Variants in OPTN observed in about 807,000 individuals in gnomAD.
OPTN encodes E3-14.7K-interacting protein.
OPTN carries 54 observed loss-of-function variants against 70.4 expected under a neutral mutation model. That is an observed-to-expected ratio of 0.77 (90% CI 0.62 to 0.96). The LOEUF (loss-of-function observed/expected upper bound fraction) is 0.96, where lower values mean the gene tolerates loss of function less well. Among genes scored for constraint, OPTN ranks in the 40% least tolerant of loss-of-function variants. The pLI, the probability that OPTN is intolerant of heterozygous loss-of-function variation, is 0.00. For synonymous variants in OPTN, 256 were observed against 248.5 expected (o/e 1.03, Z -0.28); for missense variants, 624 against 673.2 (o/e 0.93, Z 0.81).
At chr10:13,109,006 A>G (rs1192140067) in intron 2 of OPTN, 106 bp from the exon 3 acceptor site, 47 of 1,016,792 alleles carry the variant, frequency 4.6e-5, no homozygotes, top group Non-Finnish European at 6.5e-5. Flanking sequence ...GAAAGTGGGC[A>G]ACTTTTGGAG....
In OPTN at chr10:13,125,580, A is replaced by G. The variant is rs368654623; in HGVS notation, c.1148+13A>G. On this transcript the variant is annotated intron_variant, in intron 10 of 14. Transcript: ENST00000378747. The stretch of plus-strand genomic sequence containing the variant: ...CAGAGGATGAAAAGTGAGTATGTTG[A>G]GTCAGAAGGGCAGCGACGGGGCAGA... 9.6e-5 allele frequency: 155 copies of G among 1,614,148 alleles called. 1 individual carries two copies. In the African/African-American group the frequency reaches 1.9e-3, roughly 20 times the overall value.
At chr10:13,132,228 T>G in intron 13 of OPTN, 31 bp downstream of exon 13, 13 of 1,608,820 alleles carry the variant, frequency 8.1e-6, no homozygotes, top group Non-Finnish European at 1.1e-5. Flanking sequence ...GACCCAGAGC[T>G]CACATCAGCA....
chr10:13,136,860 C>A lies in OPTN; in HGVS notation c.1728C>A (p.Ile576=). ...TACAGATTCACGTGATGGATTGCAT[C>A]ATTTAAGTGTTGATGTATCACCTCC... ...DTLQIHVMDC[I]I is the part of the protein sequence containing the mutation. The change falls in exon 15 of 15, where the codon ATC becomes ATA. Residue 576 remains isoleucine, a synonymous_variant. Coordinates refer to ENST00000378747, the MANE Select transcript of OPTN (RefSeq NM_001008212.2). 1.2e-6 allele frequency: 2 copies of A among 1,614,152 alleles called. No individual in the cohort carries two copies. Among genetic ancestry groups the A allele is most frequent in the East Asian group, 2.2e-5 (1 of 44,892 alleles).
At chr10:13,129,759 T>C (rs1833553911) in intron 12 of OPTN, among the ~76,000 whole-genome samples, 1 of 152,226 alleles carries the variant, frequency 6.6e-6, no homozygotes, top group Non-Finnish European at 1.5e-5. Context: ...CACTCCTATG[T>C]CCTCACATTC....
chr10:13,136,676 GTTC>G (rs1428346312), intron 14 of OPTN, 66 bp from the exon 15 acceptor site: 41 of 1,599,700 alleles, frequency 2.6e-5, no homozygotes, highest in South Asian at 3.3e-5. Flanking sequence ...CTCGCCATCT[GTTC>G]TTCAAGTGAA....
At chr10:13,104,244 GT>G (rs953085944) in intron 1 of OPTN, among the ~76,000 whole-genome samples, 9 of 130,876 alleles carry the variant, frequency 6.9e-5, no homozygotes, top group Middle Eastern at 3.8e-3. Flanking sequence ...AGTTAAATTA[GT>G]TTTTTTTTCT....
rs117158412 is a variant in OPTN, at chr10:13,121,309, C to T, written c.780-1076C>T. 5.9e-5 allele frequency among the ~76,000 whole-genome samples: 9 copies of T among 151,950 alleles called. No individual in the cohort carries two copies. In the East Asian group the frequency reaches 1.5e-3, roughly 26 times the overall value. On this transcript the variant is annotated intron_variant, in intron 7 of 14. Transcript: ENST00000378747. ...GGCTCTTCTGGGTTCTTTGCTGTTG[C>T]GTAAGAATTTTAGGATCAGCTTGTT...
Position 13,110,356 on chromosome 10 carries a change from C to T in OPTN, c.249C>T (p.Arg83=), listed in dbSNP as rs1363845976. 4 of 1,614,044 alleles carry T rather than the reference C, an allele frequency of 2.5e-6. No homozygotes were observed. The South Asian group carries it at 4.4e-5, about 18-fold the overall frequency. ...GGACAGAGAAACAGAAGGAAGAACGCCAGTTTTTTGAGATACAGAGCAAAG... is the reference window on the plus strand; with the variant it reads ...GGACAGAGAAACAGAAGGAAGAACGTCAGTTTTTTGAGATACAGAGCAAAG... ...SAWTEKQKEE[R]QFFEIQSKEA... The change falls in exon 4 of 15, where the codon CGC becomes CGT. Residue 83 remains arginine, a synonymous_variant. Coordinates refer to ENST00000378747, the MANE Select transcript of OPTN (RefSeq NM_001008212.2).
intron 2 of OPTN, chr10:13,108,844 C>T (rs1466718712): frequency 7.1e-6 from 3 of 423,002 alleles, no homozygotes; most frequent in African/African-American, 6.1e-5. Context: ...CCACGCCCGG[C>T]CCTCATTGTA....
intron 2 of OPTN, 146 bp downstream of exon 2, chr10:13,108,435 T>C (rs1263298034): frequency 1.3e-5 from 2 of 152,224 alleles, no homozygotes; most frequent in Non-Finnish European, 2.9e-5. Context: ...TTTGAAGATT[T>C]GCATGGGAAA....
intron 14 of OPTN, among the ~76,000 whole-genome samples, chr10:13,134,271 C>G (rs1833653748): frequency 6.6e-6 from 1 of 152,164 alleles, no homozygotes; most frequent in Non-Finnish European, 1.5e-5. Flanking sequence ...CAGTCTCTTT[C>G]CAGTGACCTC....
intron 5 of OPTN, among the ~76,000 whole-genome samples, chr10:13,113,034 T>C (rs1833043114): frequency 6.6e-6 from 1 of 152,226 alleles, no homozygotes; most frequent in Admixed American, 6.5e-5. Context: ...CCTCTTTTTT[T>C]GTTTTGAGAC....
At chr10:13,125,805 A>T in intron 10 of OPTN, 141 bp from the exon 11 acceptor site, 1 of 767,760 alleles carries the variant, frequency 1.3e-6, no homozygotes, top group Non-Finnish European at 2.2e-6. Flanking sequence ...TTTTGAGAGT[A>T]AGAAATGCTA....
At position 13,122,390 on chromosome 10, in the gene OPTN, C is replaced by A. The variant is rs750571210; in HGVS notation, c.785C>A (p.Ser262Ter). Residue 262 changes from serine (S) to a stop codon, truncating the protein, a stop_gained, in exon 8 of 15, where the codon TCA (serine) becomes TAA (stop). Coordinates refer to ENST00000378747, the MANE Select transcript of OPTN (RefSeq NM_001008212.2). LOFTEE classifies it high-confidence loss of function. ...TATCTTCTGTGATTTTCCAGAGTTT[C>A]AGATTTTGAAAAGAAAACAAGTAAT... ...VALKEAKERV[S>*]DFEKKTSNRS... 8 of 1,610,768 alleles carry A rather than the reference C, an allele frequency of 5.0e-6. No homozygotes were observed. The highest frequency in any genetic ancestry group is 6.8e-6 in the Non-Finnish European group (8 of 1,177,114).
chr10:13,116,891 A>T (rs867153198), intron 6 of OPTN, among the ~76,000 whole-genome samples: 4 of 152,086 alleles, frequency 2.6e-5, no homozygotes, highest in Non-Finnish European at 5.9e-5. Flanking sequence ...TGTAGATGTG[A>T]GGAAACAGAC....
In OPTN at chr10:13,119,022, T is replaced by C; in HGVS notation, c.761T>C (p.Leu254Pro). 1 of 1,614,156 alleles carries C rather than the reference T, an allele frequency of 6.2e-7. No individual in the cohort carries two copies. Among genetic ancestry groups the C allele is most frequent in the Non-Finnish European group, 8.5e-7 (1 of 1,180,014 alleles). ...AAGGTGGAGAGACTTGAAGTTGCAC[T>C]CAAGGAGGCCAAAGAAAGGTATGAA... ...NQKVERLEVA[L>P]KEAKERVSDF... Residue 254 changes from leucine to proline, a missense_variant, in exon 7 of 15, where the codon CTC becomes CCC. Coordinates refer to ENST00000378747, the MANE Select transcript of OPTN (RefSeq NM_001008212.2).
chr10:13,103,463 T>C (rs1017813635), intron 1 of OPTN, among the ~76,000 whole-genome samples: 6 of 152,168 alleles, frequency 3.9e-5, no homozygotes, highest in East Asian at 1.9e-4. Flanking sequence ...GCAGGTACCA[T>C]TTGACACATT....
rs199680428 is a variant in OPTN, at chr10:13,126,043, T to G, written c.1242+4T>G. 1.9e-6 allele frequency: 3 copies of G among 1,583,032 alleles called. No homozygotes were observed. In the East Asian group the frequency reaches 6.7e-5, roughly 35 times the overall value. ...TGAGGAACTAACAAGAAAAGAGGTA[T>G]TCACTGAAAAAAATTACTTCCATAG... On this transcript the variant is annotated splice_donor_region_variant and intron_variant, in intron 11 of 14. Coordinates refer to ENST00000378747, the MANE Select transcript of OPTN (RefSeq NM_001008212.2).
intron 7 of OPTN, 44 bp downstream of exon 7, chr10:13,119,084 C>G (rs768348924): frequency 2.6e-6 from 4 of 1,550,604 alleles, no homozygotes; most frequent in Admixed American, 3.5e-5. Flanking sequence ...TTTAAAACAG[C>G]TTTCCTGAGA....
Sources: allele counts gnomAD v4.1 joint callset (sites outside exome capture counted in the v4.1 genomes callset), GRCh38; gene constraint gnomAD v4.1.1; transcripts MANE v1.5; gene names NCBI Gene and HGNC (gene_info 2026-07-23, HGNC 2026-07-21).